The following IQSEC1 variants were observed in gnomAD, a reference collection of about 807,000 sequenced individuals.
IQSEC1 encodes IQ motif and SEC7 domain-containing protein 1.
Under a neutral mutation model 91.0 loss-of-function variants are expected in IQSEC1, and 31 were observed. The observed-to-expected ratio is 0.34, with a 90% confidence interval of 0.26 to 0.46. The LOEUF (loss-of-function observed/expected upper bound fraction) is 0.46. Among genes scored for constraint, IQSEC1 ranks in the 20% least tolerant of loss-of-function variants. IQSEC1 has a pLI of 1.00. For synonymous variants in IQSEC1, 699 were observed against 662.6 expected, an observed-to-expected ratio of 1.05 and a Z score of -0.84; for missense variants, 1,388 against 1,575.6, an observed-to-expected ratio of 0.88 and a Z score of 2.02.
At chr3:13,237,756 C>A (rs1331259596) in intron 1 of IQSEC1, among the ~76,000 whole-genome samples, 1 of 152,236 alleles carries the variant, frequency 6.6e-6, no homozygotes, top group Non-Finnish European at 1.5e-5. Flanking sequence ...TGCCCTGAGG[C>A]CACTCTGTGG....
chr3:13,104,230 TC>T (rs1386454583), intron 2 of IQSEC1, among the ~76,000 whole-genome samples: 3 of 152,108 alleles, frequency 2.0e-5, no homozygotes, highest in Non-Finnish European at 4.4e-5. Flanking sequence ...ACTTCTGCAC[TC>T]CCTGCTTCCC....
chr3:13,165,340 C>T (rs942747987), intron 1 of IQSEC1, among the ~76,000 whole-genome samples: 4 of 152,006 alleles, frequency 2.6e-5, no homozygotes, highest in African/African-American at 7.3e-5. Flanking sequence ...TCCTTGACCC[C>T]GGGGGCCATG....
intron 1 of IQSEC1, chr3:13,015,550 C>G (rs1478821383): frequency 1.0e-6 from 1 of 985,256 alleles, no homozygotes; most frequent in African/African-American, 1.7e-5. Context: ...CTGAGGTCCC[C>G]TCCCCGGGCC....
chr3:12,908,834 G>T lies in IQSEC1; in HGVS notation c.2579-309C>A, dbSNP rs1364806027. On this transcript the variant is annotated intron_variant, in intron 11 of 13. Coordinates refer to ENST00000613206, the MANE Select transcript of IQSEC1 (RefSeq NM_001134382.3). The surrounding 1 kb of genome is among the most constrained non-coding windows in gnomAD (Gnocchi z 4.9). Reference sequence around the variant, plus strand: ...GAGAGATGAGCAAAGATTAGCCAGGGTCTTCCACAGAGAGGGCAGTGGTAG... The same window carrying T: ...GAGAGATGAGCAAAGATTAGCCAGGTTCTTCCACAGAGAGGGCAGTGGTAG... 2.6e-5 allele frequency among the ~76,000 whole-genome samples: 4 copies of T among 152,026 alleles called. No individual in the cohort carries two copies. The highest frequency in any genetic ancestry group is 4.4e-5 in the Non-Finnish European group (3 of 67,978).
At chr3:13,050,124 G>A (rs1009587786) in intron 1 of IQSEC1, among the ~76,000 whole-genome samples, 1 of 142,576 alleles carries the variant, frequency 7.0e-6, no homozygotes, top group Non-Finnish European at 1.5e-5. Flanking sequence ...CAGCTGCCTC[G>A]GTGCCCCACC....
At chr3:13,149,703 A>C (rs1359373958) in intron 2 of IQSEC1, among the ~76,000 whole-genome samples, 2 of 151,164 alleles carry the variant, frequency 1.3e-5, no homozygotes, top group East Asian at 3.9e-4. Context: ...AGGCCCTGGC[A>C]GCTCCGCCTC....
intron 2 of IQSEC1, among the ~76,000 whole-genome samples, chr3:13,133,595 A>G (rs1706657669): frequency 6.6e-6 from 1 of 152,252 alleles, no homozygotes; most frequent in Admixed American, 6.5e-5. Flanking sequence ...ACTGCTGCAC[A>G]CAGCCAGTTA....
intron 1 of IQSEC1, among the ~76,000 whole-genome samples, chr3:13,198,515 A>G (rs1267930007): frequency 6.6e-6 from 1 of 151,992 alleles, no homozygotes; most frequent in Non-Finnish European, 1.5e-5. Flanking sequence ...GGCGGTGATG[A>G]CCGCTGGAAT....
In IQSEC1 at chr3:12,923,673, C is replaced by T. The variant is rs3773320; in HGVS notation, c.1730+908G>A. 7.2e-5 allele frequency among the ~76,000 whole-genome samples: 11 copies of T among 152,336 alleles called. No homozygotes were observed. The East Asian group carries it at 1.3e-3, about 19-fold the overall frequency. ...CATGAGACAAAAAGGGCGACGGCAC[C>T]CTCTGCCTCCTAGGGAGAAGCAGCA... On this transcript the variant is annotated intron_variant, in intron 4 of 13. Transcript: ENST00000613206.
rs571665404 is a variant in IQSEC1, at chr3:13,086,472, G to A, written c.303-38950C>T. Among the ~76,000 whole-genome samples the A allele has an allele frequency of 3.3e-5, 5 of 152,338 alleles. No individual in the cohort carries two copies. The East Asian group carries it at 5.8e-4, about 18-fold the overall frequency. On this transcript the variant is annotated intron_variant, in intron 2 of 15. Coordinates refer to the IQSEC1 transcript ENST00000648114. ...CCTGCAGGGCTGGGAACCAGCGGGC[G>A]TCTTTTTCCTGGGAGGGTCAGGGCC...
chr3:12,902,684 A>AAAAAAAAAAAAAAAAAAAAAG, intron 13 of IQSEC1, 89 bp downstream of exon 13: 1 of 665,376 alleles, frequency 1.5e-6, no homozygotes, highest in Non-Finnish European at 2.5e-6. Context: ...AAAAAAAAAA[A>AAAAAAAAAAAAAAAAAAAAAG]AAAAAAAAAA....
chr3:13,147,719 G>A (rs1034256282), intron 2 of IQSEC1, among the ~76,000 whole-genome samples: 1 of 152,172 alleles, frequency 6.6e-6, no homozygotes, highest in African/African-American at 2.4e-5. Flanking sequence ...TGCAACCTCC[G>A]CCTTCCAGGT....
rs961162813 is a variant in IQSEC1 at position 12,908,805 on chromosome 3, G to T, written c.2579-280C>A. ...GACAGGGAGGCACAGACTTGCCTGG[G>T]TCTGAGAGATGAGCAAAGATTAGCC... On this transcript the variant is annotated intron_variant, in intron 11 of 13. Transcript: ENST00000613206. The surrounding 1 kb of genome is among the most constrained non-coding windows in gnomAD (Gnocchi z 4.9). Among the ~76,000 whole-genome samples, 1 of 152,096 alleles carries T rather than the reference G, an allele frequency of 6.6e-6. No individual in the cohort carries two copies. Among genetic ancestry groups the T allele is most frequent in the African/African-American group, 2.4e-5 (1 of 41,420 alleles).
At chr3:13,222,312 G>A (rs1166153933) in intron 1 of IQSEC1, among the ~76,000 whole-genome samples, 3 of 152,132 alleles carry the variant, frequency 2.0e-5, no homozygotes, top group Admixed American at 1.3e-4. Flanking sequence ...AGCACAGAAC[G>A]CCCTTCCTTT....
In IQSEC1 at chr3:13,068,281, G is replaced by A. The variant is rs78653989; in HGVS notation, c.23+4711C>T. ...GAGGTAGGTGCTTGCCTAAGCAGAC[G>A]CTACTTGTTGCCCTGCCTGTCCAGC... is the stretch of plus-strand genomic sequence containing the variant. On this transcript the variant is annotated intron_variant, in intron 1 of 13. Transcript: ENST00000613206. Among the ~76,000 whole-genome samples, 228 of 152,328 alleles carry A rather than the reference G, an allele frequency of 1.5e-3. 7 individuals carry two copies. The East Asian group carries it at 0.04, about 27-fold the overall frequency.
At chr3:12,906,435 C>G (rs555258158) in intron 12 of IQSEC1, among the ~76,000 whole-genome samples, 4 of 152,244 alleles carry the variant, frequency 2.6e-5, no homozygotes, top group Non-Finnish European at 5.9e-5. Context: ...GATGGGAGAT[C>G]ACAGGTGGCC....
chr3:12,967,463 T>G lies in IQSEC1; in HGVS notation c.24-25598A>C, dbSNP rs766270056. The G allele has an allele frequency of 7.1e-5, 107 of 1,513,886 alleles. No homozygotes were observed. The highest frequency in any genetic ancestry group is 2.9e-4 in the Admixed American group (14 of 48,936). The allele number at this position is 1,513,886 out of a possible 1,614,324, so 93.8% of individuals were successfully genotyped here. On this transcript the variant is annotated intron_variant, in intron 1 of 13. Transcript: ENST00000613206. The surrounding 1 kb of genome is among the most constrained non-coding windows in gnomAD (Gnocchi z 5.9). ...TGCAGGCACCACATGGCGGCCGCAG[T>G]GGGAGCGGGCCGGGCCGGGAGCCGG...
intron 2 of IQSEC1, among the ~76,000 whole-genome samples, chr3:13,125,448 C>T (rs1346442574): frequency 6.6e-6 from 1 of 152,228 alleles, no homozygotes; most frequent in Non-Finnish European, 1.5e-5. Context: ...CCCTCCTTCA[C>T]GGTCTGTCCC....
At chr3:13,223,343 T>C (rs1694695277) in intron 1 of IQSEC1, among the ~76,000 whole-genome samples, 2 of 152,204 alleles carry the variant, frequency 1.3e-5, no homozygotes, top group African/African-American at 2.4e-5. Flanking sequence ...ATCTTCCAGA[T>C]TGCAGGGAGG....
Sources: allele counts gnomAD v4.1 joint callset (sites outside exome capture counted in the v4.1 genomes callset), GRCh38; gene constraint gnomAD v4.1.1; non-coding constraint Gnocchi (gnomAD v3.1); transcripts MANE v1.5; gene names NCBI Gene and HGNC (gene_info 2026-07-23, HGNC 2026-07-21).